TGM4: variants seen among roughly 807,000 people sequenced by gnomAD.
The protein encoded by TGM4 is transglutaminase 4.
Under a neutral mutation model 76.3 loss-of-function variants are expected in TGM4, and 61 were observed. The ratio of observed to expected loss-of-function variants is 0.80; its 90% CI spans 0.65 to 0.99. The LOEUF (loss-of-function observed/expected upper bound fraction) is 0.99. TGM4 is among the 50% of genes least tolerant of loss of function. TGM4 has a pLI of 0.00. For synonymous variants in TGM4, 337 were observed against 329.8 expected (o/e 1.02, Z -0.24); for missense variants, 794 against 843.2 (o/e 0.94, Z 0.72).
intron 10 of TGM4, among the ~76,000 whole-genome samples, chr3:44,908,397 T>G (rs1699955122): frequency 6.7e-6 from 1 of 149,530 alleles, no homozygotes; most frequent in South Asian, 2.1e-4. Flanking sequence ...TTTGTTTTTT[T>G]TGTTTTTTGT....
intron 1 of TGM4, among the ~76,000 whole-genome samples, chr3:44,884,749 C>G (rs1699578067): frequency 6.6e-6 from 1 of 152,206 alleles, no homozygotes; most frequent in Non-Finnish European, 1.5e-5. Flanking sequence ...GCACCCCACC[C>G]TTCTCTTCAG....
At chr3:44,911,538 A>C in intron 13 of TGM4, 132 bp downstream of exon 13, 1 of 1,020,856 alleles carries the variant, frequency 9.8e-7, no homozygotes, top group Non-Finnish European at 1.4e-6. Context: ...TGCTAGTGCC[A>C]AATTACTTTG....
intron 5 of TGM4, among the ~76,000 whole-genome samples, chr3:44,896,453 G>C (rs1017784308): frequency 2.6e-5 from 4 of 152,106 alleles, no homozygotes; most frequent in African/African-American, 9.7e-5. Context: ...TTTTCCCCAT[G>C]GTATTAAAAA....
At chr3:44,901,996 G>A in intron 8 of TGM4, 65 bp downstream of exon 8, 5 of 1,569,684 alleles carry the variant, frequency 3.2e-6, no homozygotes, top group Non-Finnish European at 4.3e-6. Context: ...TTTCTTTTTA[G>A]AAACAGGGTC....
At chr3:44,893,736 G>T (rs1453537487) in intron 5 of TGM4, 41 bp downstream of exon 5, 3 of 1,544,402 alleles carry the variant, frequency 1.9e-6, no homozygotes, top group Non-Finnish European at 2.7e-6. Flanking sequence ...GGCCCCATCT[G>T]CTAGACCACC....
At position 44,911,338 on chromosome 3, in the gene TGM4, C is replaced by A; in HGVS notation, c.1845C>A (p.Ile615=). 6.2e-7 allele frequency: 1 copy of A among 1,614,264 alleles called. No individual in the cohort carries two copies. The highest frequency in any genetic ancestry group is 8.5e-7 in the Non-Finnish European group (1 of 1,180,032). Residue 615 remains isoleucine (I), a synonymous_variant, in exon 13 of 14, where the codon ATC becomes ATA. Transcript: ENST00000296125. ...CNCIFKNTLA[I]PLTDVKFSLE... Reference sequence around the variant, plus strand: ...GTATCTTCAAGAATACCCTGGCCATCCCTTTGACTGACGTCAAGTTCTCTT... The same window carrying A: ...GTATCTTCAAGAATACCCTGGCCATACCTTTGACTGACGTCAAGTTCTCTT...
intron 8 of TGM4, among the ~76,000 whole-genome samples, chr3:44,902,669 C>G (rs1699871238): frequency 6.6e-6 from 1 of 151,168 alleles, no homozygotes; most frequent in African/African-American, 2.4e-5. Flanking sequence ...TTTGCCTCTA[C>G]AGGGGAAGGG....
chr3:44,876,734 A>T (rs1321590799), intron 1 of TGM4, among the ~76,000 whole-genome samples: 1 of 152,212 alleles, frequency 6.6e-6, no homozygotes, highest in East Asian at 1.9e-4. Flanking sequence ...GGAAAAGAAC[A>T]GTAAAACTGA....
intron 1 of TGM4, among the ~76,000 whole-genome samples, chr3:44,884,563 T>C (rs1371001261): frequency 6.6e-6 from 1 of 152,038 alleles, no homozygotes; most frequent in South Asian, 2.1e-4. Context: ...CGGCTCCTGA[T>C]CTCAGGTGAT....
At chr3:44,892,980 G>A (rs1699725196) in intron 4 of TGM4, among the ~76,000 whole-genome samples, 2 of 152,146 alleles carry the variant, frequency 1.3e-5, no homozygotes, top group African/African-American at 4.8e-5. Context: ...GCCCCTCATT[G>A]GGAATGTTAA....
intron 4 of TGM4, among the ~76,000 whole-genome samples, chr3:44,892,119 C>A (rs76888173): frequency 6.6e-6 from 1 of 151,052 alleles, no homozygotes; most frequent in East Asian, 2.0e-4. Flanking sequence ...TTAGCTGGGC[C>A]TGGTGGCATG....
chr3:44,891,185 T>C (rs1327967927), intron 4 of TGM4, among the ~76,000 whole-genome samples: 1 of 152,238 alleles, frequency 6.6e-6, no homozygotes, highest in Non-Finnish European at 1.5e-5. Context: ...TAAATGGTGC[T>C]TGAGGCTACT....
intron 2 of TGM4, 116 bp downstream of exon 2, chr3:44,885,614 C>T (rs113058339): frequency 3.7e-6 from 4 of 1,073,026 alleles, no homozygotes; most frequent in Non-Finnish European, 1.3e-6. Context: ...CTCCCTGATC[C>T]CCAGTTTCTC....
At chr3:44,902,185 C>G (rs1352610031) in intron 8 of TGM4, among the ~76,000 whole-genome samples, 1 of 152,222 alleles carries the variant, frequency 6.6e-6, no homozygotes, top group Non-Finnish European at 1.5e-5. Context: ...TGTGGGGCCC[C>G]TTCAGCCTCC....
At chr3:44,896,564 C>T in intron 5 of TGM4, 145 bp from the exon 6 acceptor site, 1 of 660,630 alleles carries the variant, frequency 1.5e-6, no homozygotes. Context: ...ATTTTCAGTG[C>T]TGTGGTGGAC....
intron 2 of TGM4, among the ~76,000 whole-genome samples, chr3:44,886,308 TTCA>T (rs1699606857): frequency 6.6e-6 from 1 of 152,214 alleles, no homozygotes; most frequent in Non-Finnish European, 1.5e-5. Flanking sequence ...GTCATTGCAC[TTCA>T]TCCTGGCGAC....
chr3:44,894,992 C>T (rs1699760729), intron 5 of TGM4, among the ~76,000 whole-genome samples: 1 of 152,000 alleles, frequency 6.6e-6, no homozygotes, highest in Admixed American at 6.6e-5. Flanking sequence ...GGGAGTTTCC[C>T]CTCTTAGAAA....
chr3:44,879,997 C>G (rs966509016), intron 1 of TGM4, among the ~76,000 whole-genome samples: 2 of 151,938 alleles, frequency 1.3e-5, no homozygotes, highest in Non-Finnish European at 2.9e-5. Flanking sequence ...CAGGGTTTCT[C>G]TATGTTGCCC....
At chr3:44,890,861 C>T in intron 4 of TGM4, 129 bp downstream of exon 4, 2 of 1,192,412 alleles carry the variant, frequency 1.7e-6, no homozygotes, top group Non-Finnish European at 2.3e-6. Context: ...GGATGTGACC[C>T]AGGAACAGAT....
Sources: gnomAD v4.1 joint callset for allele counts (sites outside exome capture counted in the v4.1 genomes callset) on GRCh38, gnomAD v4.1.1 for gene constraint, MANE v1.5 for transcripts, NCBI Gene and HGNC (gene_info 2026-07-23, HGNC 2026-07-21) for gene names.